Variants in CEP170B observed in about 807,000 individuals in gnomAD.
CEP170B encodes the protein centrosomal protein of 170 kDa protein B.
Under a neutral mutation model 120.6 loss-of-function variants are expected in CEP170B, and 55 were observed. That is an observed-to-expected ratio of 0.46 (90% CI 0.37 to 0.57). The LOEUF (loss-of-function observed/expected upper bound fraction) is 0.57, where lower values mean the gene tolerates loss of function less well. CEP170B is among the 20% of genes least tolerant of loss of function. The probability of loss-of-function intolerance (pLI) is 0.00; values close to 1 mark genes in which losing one functional copy is unlikely to be tolerated. For synonymous variants in CEP170B, 1,033 were observed against 954.5 expected (o/e 1.08, Z -1.52); for missense variants, 2,212 against 2,253.3 (o/e 0.98, Z 0.37).
rs1566871949 is a variant in CEP170B, at chr14:104,889,651, C to T, written c.3771C>T (p.Ser1257=). The change falls in exon 13 of 19, where the codon AGC becomes AGT. Residue 1257 remains serine (S), a synonymous_variant. Transcript: ENST00000414716. ...AGACCCCGAGGGCTGGCAGCTCCAG[C>T]CGGGCTCGTTCCCGGGCCCCCGGCC... is the stretch of plus-strand genomic sequence containing the variant. ...TTQTPRAGSS[S]RARSRAPGPR... is the part of the protein sequence containing the mutation. 6.2e-7 allele frequency: 1 copy of T among 1,612,022 alleles called. No individual in the cohort carries two copies. The highest frequency in any genetic ancestry group is 8.5e-7 in the Non-Finnish European group (1 of 1,179,748).
At chr14:104,874,319 G>A (rs1379624402) in intron 2 of CEP170B, among the ~76,000 whole-genome samples, 2 of 152,218 alleles carry the variant, frequency 1.3e-5, no homozygotes, top group Non-Finnish European at 2.9e-5. Context: ...AGCTGTGGGT[G>A]CCAGCTTCGG....
intron 15 of CEP170B, 22 bp downstream of exon 15, chr14:104,893,688 C>G: frequency 1.3e-6 from 2 of 1,583,754 alleles, no homozygotes. Flanking sequence ...ACTACCGCCA[C>G]GGAGCTGGGT....
chr14:104,894,840 C>T lies in CEP170B; in HGVS notation c.4547C>T (p.Ser1516Leu). The part of the protein sequence containing the change: ...VAAQSPPSPA[S>L]AEALLPALPL... Reference sequence around the variant, plus strand: ...GCCCAGAGCCCACCCTCACCCGCCTCAGCCGAGGCCCTGCTGCCAGCCCTG... The same window carrying T: ...GCCCAGAGCCCACCCTCACCCGCCTTAGCCGAGGCCCTGCTGCCAGCCCTG... Residue 1516 changes from serine (S) to leucine (L), a missense_variant, in exon 19 of 19, where the codon TCA becomes TTA. By Grantham distance (145) the Ser-to-Leu change is moderately radical. Transcript: ENST00000414716. The T allele has an allele frequency of 6.2e-7, 1 of 1,609,878 alleles. No homozygotes were observed. Among genetic ancestry groups the T allele is most frequent in the Non-Finnish European group, 8.5e-7 (1 of 1,178,874 alleles).
In CEP170B at chr14:104,868,959, T is replaced by C. The variant is rs116010518; in HGVS notation, c.105+404T>C. ...TCTTGTTGTCTGGGGGCCCCGTCTA[T>C]GCTGTGAGTGCTGCCTGAGCGGGGG... is the stretch of plus-strand genomic sequence containing the variant. On this transcript the variant is annotated intron_variant, in intron 2 of 18. Coordinates refer to ENST00000414716, the MANE Select transcript of CEP170B (RefSeq NM_001112726.3). The surrounding 1 kb of genome is among the most constrained non-coding windows in gnomAD (Gnocchi z 5.9). Among the ~76,000 whole-genome samples the C allele has an allele frequency of 0.01, 1,564 of 152,270 alleles. 33 individuals are homozygous for C. The highest frequency in any genetic ancestry group is 0.036 in the African/African-American group (1,486 of 41,556).
At chr14:104,890,649 GATGA>G (rs1402878330) in intron 13 of CEP170B, among the ~76,000 whole-genome samples, 4 of 130,810 alleles carry the variant, frequency 3.1e-5, no homozygotes, top group Non-Finnish European at 6.8e-5. Flanking sequence ...TGGATGGATG[GATGA>G]ATGGATGAGT....
At chr14:104,872,153 TGCGTGTGTGCC>T (rs1381153110) in intron 2 of CEP170B, among the ~76,000 whole-genome samples, 11 of 148,276 alleles carry the variant, frequency 7.4e-5, no homozygotes, top group South Asian at 4.3e-4. Context: ...GCCGTGTGTG[TGCGTGTGTGCC>T]GCGTGTGTGT....
At position 104,884,397 on chromosome 14, in the gene CEP170B, C is replaced by T; in HGVS notation, c.1618C>T (p.Pro540Ser). The T allele has an allele frequency of 5.2e-6, 8 of 1,547,224 alleles. No homozygotes were observed. Among genetic ancestry groups the T allele is most frequent in the Non-Finnish European group, 6.1e-6 (7 of 1,146,374 alleles). Reference protein sequence around the residue: ...LTPHGTSPVGPPTPPPAPTDP... With the variant: ...LTPHGTSPVGSPTPPPAPTDP... Reference sequence around the variant, plus strand: ...ACCCCATGGGACCAGCCCCGTGGGCCCCCCGACCCCACCGCCCGCCCCCAC... The same window carrying T: ...ACCCCATGGGACCAGCCCCGTGGGCTCCCCGACCCCACCGCCCGCCCCCAC... The change falls in exon 9 of 19, where the codon CCC becomes TCC. Residue 540 changes from proline (P) to serine (S), a missense_variant. By Grantham distance (74) the Pro-to-Ser change is moderately conservative. Coordinates refer to ENST00000414716, the MANE Select transcript of CEP170B (RefSeq NM_001112726.3).
At chr14:104,890,977 G>A (rs1595359141) in intron 13 of CEP170B, among the ~76,000 whole-genome samples, 1 of 106,760 alleles carries the variant, frequency 9.4e-6, no homozygotes, top group African/African-American at 3.7e-5. Context: ...GGGTGGGTGT[G>A]TGGATGGATG....
rs376690364 is a variant in CEP170B, at chr14:104,894,357, C to A, written c.4344C>A (p.Pro1448=). 9.5e-5 allele frequency: 153 copies of A among 1,613,530 alleles called. No individual in the cohort carries two copies. In the African/African-American group the frequency reaches 1.9e-3, roughly 20 times the overall value. Residue 1448 remains proline, a synonymous_variant, in exon 17 of 19, where the codon CCC becomes CCA. Coordinates refer to ENST00000414716, the MANE Select transcript of CEP170B (RefSeq NM_001112726.3). Reference sequence around the variant, plus strand: ...GGATCAACGCCGAGAACGAGGTGCCCATCCTGAAGACATCTAACAAGGTGA... The same window carrying A: ...GGATCAACGCCGAGAACGAGGTGCCAATCCTGAAGACATCTAACAAGGTGA... The part of the protein sequence containing the change: ...EARINAENEV[P]ILKTSNKEIS...
At position 104,880,597 on chromosome 14, in the gene CEP170B, T is replaced by C. The variant is rs150903488; in HGVS notation, c.472+172T>C. Reference sequence around the variant, plus strand: ...GCACATGCACACCCCTCACCCATTGTGCACACCTACCCTTGCACACCCACA... The same window carrying C: ...GCACATGCACACCCCTCACCCATTGCGCACACCTACCCTTGCACACCCACA... On this transcript the variant is annotated intron_variant, in intron 6 of 18. Transcript: ENST00000414716. Among the ~76,000 whole-genome samples, 22 of 151,718 alleles carry C rather than the reference T, an allele frequency of 1.5e-4. No individual in the cohort carries two copies. The East Asian group carries it at 4.1e-3, about 28-fold the overall frequency.
At chr14:104,878,394 G>C (rs367553168) in intron 4 of CEP170B, 49 bp from the exon 5 acceptor site, 1 of 1,590,794 alleles carries the variant, frequency 6.3e-7, no homozygotes, top group South Asian at 1.1e-5. Context: ...GGACTTCAGC[G>C]CTGGGCTCCT....
intron 12 of CEP170B, chr14:104,889,399 G>C (rs906506016): frequency 1.7e-6 from 2 of 1,205,036 alleles, no homozygotes; most frequent in African/African-American, 1.5e-5. Context: ...CACCAGCCTC[G>C]ACGCTGCCCA....
intron 7 of CEP170B, 68 bp downstream of exon 7, chr14:104,882,900 C>G: frequency 1.3e-6 from 2 of 1,526,610 alleles, no homozygotes; most frequent in Non-Finnish European, 1.8e-6. Flanking sequence ...AGGGGATGGC[C>G]TGGGCTTGAG....
chr14:104,893,507 G>T lies in CEP170B; in HGVS notation c.4039-16G>T. 1 of 1,597,656 alleles carries T rather than the reference G, an allele frequency of 6.3e-7. No individual in the cohort carries two copies. Among genetic ancestry groups the T allele is most frequent in the Non-Finnish European group, 8.5e-7 (1 of 1,173,942 alleles). ...CCTCTGCCTGGGGCCCACGGTGCCG[G>T]CCCTCCCTCTTGCAGCTGGTGCAGC... On this transcript the variant is annotated splice_polypyrimidine_tract_variant and intron_variant, in intron 14 of 18. Coordinates refer to ENST00000414716, the MANE Select transcript of CEP170B (RefSeq NM_001112726.3).
At position 104,883,171 on chromosome 14, in the gene CEP170B, G is replaced by GC; in HGVS notation, c.720dup (p.Glu241ArgfsTer34). 6.2e-7 allele frequency: 1 copy of GC among 1,604,346 alleles called. No individual in the cohort carries two copies. The highest frequency in any genetic ancestry group is 8.5e-7 in the Non-Finnish European group (1 of 1,177,324). On this transcript the variant is annotated frameshift_variant, in exon 8 of 19. Transcript: ENST00000414716. LOFTEE classifies it high-confidence loss of function. ...CGAAGGAGACCCCGCAGCCGTCGCA[G>GC]CCCCCCGAGGTGCCGGCACACGAGA...
At chr14:104,892,913 G>A (rs1896912084) in intron 13 of CEP170B, 63 bp from the exon 14 acceptor site, 3 of 1,528,816 alleles carry the variant, frequency 2.0e-6, no homozygotes, top group Admixed American at 2.0e-5. Flanking sequence ...TTTGAGGCCT[G>A]TCTGGCCCCT....
Position 104,895,355 on chromosome 14 carries a change from A to T in CEP170B, c.*397A>T, listed in dbSNP as rs999118975. 5.6e-6 allele frequency: 1 copy of T among 177,930 alleles called. No homozygotes were observed. The highest frequency in any genetic ancestry group is 1.2e-5 in the Non-Finnish European group (1 of 85,632). 11.0% of individuals were successfully genotyped at this position (177,930 alleles called of 1,614,324 possible). On this transcript the variant is annotated 3_prime_UTR_variant, in exon 19 of 19. Coordinates refer to ENST00000414716, the MANE Select transcript of CEP170B (RefSeq NM_001112726.3). The stretch of plus-strand genomic sequence containing the variant: ...GGCCTGACTGGCTCCGCCAGGCACT[A>T]ACCTGCCATAACCCTTTGTGCTGGC...
chr14:104,889,437 A>G, intron 12 of CEP170B, 183 bp from the exon 13 acceptor site: 1 of 1,444,124 alleles, frequency 6.9e-7, no homozygotes, highest in Non-Finnish European at 9.2e-7. Flanking sequence ...CCTCTCCCAG[A>G]GGGACCCTGG....
Position 104,896,352 on chromosome 14 carries a change from C to G in CEP170B, c.*1394C>G. On this transcript the variant is annotated 3_prime_UTR_variant, in exon 19 of 19. Coordinates refer to ENST00000414716, the MANE Select transcript of CEP170B (RefSeq NM_001112726.3). ...GAGGGGGGGCGGGGGTGGCAGGTGT[C>G]CCCCCCTGGTCCCCGCCCCAAGAGC... 6.2e-6 allele frequency: 2 copies of G among 322,384 alleles called. No homozygotes were observed. The highest frequency in any genetic ancestry group is 1.2e-5 in the Non-Finnish European group (2 of 160,644). The allele number at this position is 322,384 out of a possible 1,614,324, so 20.0% of individuals were successfully genotyped here.
Sources: allele counts gnomAD v4.1 joint callset (sites outside exome capture counted in the v4.1 genomes callset), GRCh38; gene constraint gnomAD v4.1.1; non-coding constraint Gnocchi (gnomAD v3.1); transcripts MANE v1.5; gene names NCBI Gene and HGNC (gene_info 2026-07-23, HGNC 2026-07-21).